The following CEP350 variants were observed in gnomAD, a reference collection of about 807,000 sequenced individuals.
The protein encoded by CEP350 is centrosome-associated protein 350.
CEP350 carries 126 observed loss-of-function variants against 331.8 expected under a neutral mutation model. The ratio of observed to expected loss-of-function variants is 0.38; its 90% CI spans 0.33 to 0.44. The LOEUF is 0.44. CEP350 is among the 20% of genes least tolerant of loss of function. The pLI is 1.00. For missense variants in CEP350, 3,406 were observed against 3,634.6 expected (o/e 0.94, Z 1.62); for synonymous variants, 1,200 against 1,259.5 (o/e 0.95, Z 1.00).
At chr1:180,083,425 G>C (rs1217614936) in intron 30 of CEP350, among the ~76,000 whole-genome samples, 4 of 152,148 alleles carry the variant, frequency 2.6e-5, no homozygotes, top group Admixed American at 6.5e-5. Context: ...GATTTAACTA[G>C]CTTCATTTCA....
intron 1 of CEP350, among the ~76,000 whole-genome samples, chr1:179,981,683 T>C (rs1166081627): frequency 1.3e-5 from 2 of 152,138 alleles, no homozygotes; most frequent in Admixed American, 1.3e-4. Flanking sequence ...TTCATGAGAA[T>C]AGATATCATA....
At position 180,111,920 on chromosome 1, in the gene CEP350, T is replaced by C. The variant is rs1661484465; in HGVS notation, c.*759T>C. The C allele has an allele frequency of 6.6e-6, 1 of 152,658 alleles. No individual in the cohort carries two copies. Among genetic ancestry groups the C allele is most frequent in the African/African-American group, 2.4e-5 (1 of 41,458 alleles). The allele number at this position is 152,658 out of a possible 1,614,324, so 9.5% of individuals were successfully genotyped here. A position where few individuals can be genotyped will look rare whatever the true frequency, so the allele number is the denominator to read the frequency against. ...ACCCCTTGGTTTACTCCTGCACTTG[T>C]CTTACTCATTCTGAATCTCTACCAG... On this transcript the variant is annotated 3_prime_UTR_variant, in exon 38 of 38. Transcript: ENST00000367607.
intron 12 of CEP350, among the ~76,000 whole-genome samples, chr1:180,022,103 T>C (rs1327458013): frequency 1.3e-5 from 2 of 152,204 alleles, no homozygotes; most frequent in African/African-American, 4.8e-5. Flanking sequence ...AGAATTCATA[T>C]TTAGGTATTT....
rs1660435775 is a variant in CEP350 at position 180,095,513 on chromosome 1, A to G, written c.8512-10A>G. ...AATGGTGCTCTGTTTGAATGGTTCC[A>G]TTTCTATAGGAGAGCCCAGTATTTG... On this transcript the variant is annotated splice_polypyrimidine_tract_variant and intron_variant, in intron 34 of 37. Coordinates refer to ENST00000367607, the MANE Select transcript of CEP350 (RefSeq NM_014810.5). 5.6e-6 allele frequency: 9 copies of G among 1,609,290 alleles called. No individual in the cohort carries two copies. Among genetic ancestry groups the G allele is most frequent in the South Asian group, 2.2e-5 (2 of 90,746 alleles).
chr1:180,049,026 A>T (rs1657309642), intron 22 of CEP350, among the ~76,000 whole-genome samples: 1 of 152,188 alleles, frequency 6.6e-6, no homozygotes, highest in Non-Finnish European at 1.5e-5. Context: ...TATGATTGAG[A>T]CATAGCACTG....
chr1:180,040,456 T>TA (rs960924169), intron 17 of CEP350, among the ~76,000 whole-genome samples: 55 of 148,282 alleles, frequency 3.7e-4, no homozygotes, highest in African/African-American at 5.7e-4. Context: ...TTGTTCTAAT[T>TA]AAAAAAAAAA....
At chr1:180,049,044 G>A (rs1558126324) in intron 22 of CEP350, among the ~76,000 whole-genome samples, 1 of 152,106 alleles carries the variant, frequency 6.6e-6, no homozygotes. Context: ...CTGCAGCTTT[G>A]GCGACAGAGC....
intron 37 of CEP350, among the ~76,000 whole-genome samples, chr1:180,103,851 T>C (rs1178899250): frequency 2.6e-5 from 4 of 151,450 alleles, no homozygotes; most frequent in Admixed American, 2.0e-4. Context: ...AAATCACTAT[T>C]TGTTACTTAG....
At chr1:180,022,877 CTCTGAAGAG>C (rs771268989) in intron 13 of CEP350, 29 bp downstream of exon 13, 3 of 1,542,434 alleles carry the variant, frequency 1.9e-6, no homozygotes, top group African/African-American at 2.8e-5. Flanking sequence ...ATGGAATAAA[CTCTGAAGAG>C]TGAGAAAAAT....
chr1:180,100,797 G>A (rs895706804), intron 37 of CEP350, among the ~76,000 whole-genome samples: 2 of 152,182 alleles, frequency 1.3e-5, no homozygotes, highest in African/African-American at 4.8e-5. Context: ...AAAATGAGGA[G>A]GAAGCAAAAG....
In CEP350 at chr1:180,031,475, C is replaced by T. The variant is rs1457386238; in HGVS notation, c.3706C>T (p.Leu1236Phe). The T allele has an allele frequency of 6.7e-7, 1 of 1,497,822 alleles. No individual in the cohort carries two copies. The highest frequency in any genetic ancestry group is 8.9e-7 in the Non-Finnish European group (1 of 1,118,908). 92.8% of individuals were successfully genotyped at this position (1,497,822 alleles called of 1,614,324 possible). A position where few individuals can be genotyped will look rare whatever the true frequency, so the allele number is the denominator to read the frequency against. The change falls in exon 15 of 38, where the codon CTT becomes TTT. Residue 1236 changes from leucine to phenylalanine, a missense_variant. Coordinates refer to ENST00000367607, the MANE Select transcript of CEP350 (RefSeq NM_014810.5). ...TLDTDSTLED[L>F]SGHSVSVSSD... ...TGATACAGATAGCACTTTGGAGGAT[C>T]TTTCTGGACATTCTGTGAGGTAATG...
intron 15 of CEP350, among the ~76,000 whole-genome samples, chr1:180,032,133 T>G (rs1319300381): frequency 6.6e-6 from 1 of 152,156 alleles, no homozygotes; most frequent in Non-Finnish European, 1.5e-5. Context: ...CTTAGTCCGT[T>G]GCTTACAAAT....
At chr1:180,071,030 C>T (rs1452875636) in intron 27 of CEP350, among the ~76,000 whole-genome samples, 2 of 151,562 alleles carry the variant, frequency 1.3e-5, no homozygotes, top group South Asian at 2.1e-4. Flanking sequence ...TGCCTGTAAT[C>T]CCAGCTACTT....
At chr1:180,066,314 G>A (rs1271937023) in intron 27 of CEP350, among the ~76,000 whole-genome samples, 1 of 152,138 alleles carries the variant, frequency 6.6e-6, no homozygotes, top group East Asian at 1.9e-4. Flanking sequence ...ATTAAATATG[G>A]AAGAGACTCA....
intron 6 of CEP350, among the ~76,000 whole-genome samples, chr1:180,001,749 G>C (rs1272977531): frequency 1.3e-5 from 2 of 152,208 alleles, no homozygotes; most frequent in Non-Finnish European, 2.9e-5. Flanking sequence ...ATAGATGGTA[G>C]CAATTATAAT....
intron 14 of CEP350, among the ~76,000 whole-genome samples, chr1:180,030,497 T>C (rs531082941): frequency 6.6e-6 from 1 of 151,892 alleles, no homozygotes; most frequent in African/African-American, 2.4e-5. Context: ...TCAAGATGAA[T>C]AGTGTACTAG....
intron 33 of CEP350, 21 bp from the exon 34 acceptor site, chr1:180,092,593 G>T (rs376407537): frequency 6.9e-6 from 10 of 1,459,424 alleles, no homozygotes; most frequent in Admixed American, 2.4e-5. Context: ...TTTTGATGTG[G>T]TGATTTGTTT....
At position 179,996,723 on chromosome 1, in the gene CEP350, T is replaced by C; in HGVS notation, c.566T>C (p.Ile189Thr). 1.2e-6 allele frequency: 2 copies of C among 1,613,644 alleles called. No individual in the cohort carries two copies. Among genetic ancestry groups the C allele is most frequent in the Non-Finnish European group, 1.7e-6 (2 of 1,179,692 alleles). ...CDFESSQSSVINDTVVRFLND... is the reference protein window; with the variant it reads ...CDFESSQSSVTNDTVVRFLND... ...TTTGAGAGCTCCCAATCATCTGTCA[T>C]CAATGATACAGTTGTTAGGTTTTTA... The change falls in exon 6 of 38, where the codon ATC becomes ACC. Residue 189 changes from isoleucine (I) to threonine (T), a missense_variant. By Grantham distance (89) the Ile-to-Thr change is moderately conservative. Around this residue, in one of 5 missense-constraint regions of CEP350, gnomAD observed 1,857 missense variants for 1,909.2 expected, o/e 0.97. Coordinates refer to ENST00000367607, the MANE Select transcript of CEP350 (RefSeq NM_014810.5).
At position 180,094,555 on chromosome 1, in the gene CEP350, T is replaced by C. The variant is rs746683315; in HGVS notation, c.8450T>C (p.Leu2817Ser). ...TCGCCAAGTATTTCAGGTTGCTTCT[T>C]AAGTTCTGAATTGGAAGATGAAAAA... Reference protein sequence around the residue: ...EQSPSISGCFLSSELEDEKEE... With the variant: ...EQSPSISGCFSSSELEDEKEE... The change falls in exon 34 of 38, where the codon TTA (leucine) becomes TCA (serine). Residue 2817 changes from leucine to serine, a missense_variant. Transcript: ENST00000367607. 1.9e-6 allele frequency: 3 copies of C among 1,613,798 alleles called. No homozygotes were observed. The Admixed American group carries it at 5.0e-5, about 27-fold the overall frequency.
Sources: allele counts gnomAD v4.1 joint callset (sites outside exome capture counted in the v4.1 genomes callset), GRCh38; gene constraint gnomAD v4.1.1; regional missense constraint gnomAD v4.1.1; transcripts MANE v1.5; gene names NCBI Gene and HGNC (gene_info 2026-07-23, HGNC 2026-07-21).